RBFOX1: variants seen among roughly 807,000 people sequenced by gnomAD.
The protein encoded by RBFOX1 is RNA binding protein fox-1 homolog 1.
A neutral mutation model predicts 57.7 loss-of-function variants in RBFOX1; 8 were observed. That is an observed-to-expected ratio of 0.14 (90% CI 0.08 to 0.25). The LOEUF (loss-of-function observed/expected upper bound fraction) is 0.25. Among genes scored for constraint, RBFOX1 ranks in the 10% least tolerant of loss-of-function variants. The pLI, the probability that RBFOX1 is intolerant of heterozygous loss-of-function variation, is 1.00. For synonymous variants in RBFOX1, 326 were observed against 222.4 expected (o/e 1.47, Z -4.15); for missense variants, 611 against 548.5 (o/e 1.11, Z -1.14).
intron 3 of RBFOX1, among the ~76,000 whole-genome samples, chr16:6,673,421 C>T (rs561448851): frequency 6.6e-6 from 1 of 152,026 alleles, no homozygotes; most frequent in African/African-American, 2.4e-5. Context: ...AACCGCATCT[C>T]TACTAAAAAT....
chr16:6,886,965 A>C (rs1603636760), intron 3 of RBFOX1, among the ~76,000 whole-genome samples: 1 of 148,880 alleles, frequency 6.7e-6, no homozygotes, highest in Non-Finnish European at 1.5e-5. Context: ...AAAATAACAC[A>C]AAATGAAAAA....
chr16:6,900,373 T>A (rs182864398), intron 3 of RBFOX1, among the ~76,000 whole-genome samples: 1 of 152,220 alleles, frequency 6.6e-6, no homozygotes, highest in Admixed American at 6.5e-5. Context: ...CTGTAACCTC[T>A]ATCCATGCTC....
At chr16:5,784,371 G>T (rs2054427965) in intron 3 of RBFOX1, among the ~76,000 whole-genome samples, 1 of 152,024 alleles carries the variant, frequency 6.6e-6, no homozygotes, top group African/African-American at 2.4e-5. Context: ...AGCTTGCAGT[G>T]AGCCGAGATC....
chr16:6,610,683 A>C (rs549615737), intron 2 of RBFOX1, among the ~76,000 whole-genome samples: 1 of 152,326 alleles, frequency 6.6e-6, no homozygotes, highest in African/African-American at 2.4e-5. Context: ...ATATATGTGA[A>C]GAAACACTGA....
At chr16:6,422,118 T>G (rs1017192648) in intron 2 of RBFOX1, among the ~76,000 whole-genome samples, 1 of 151,902 alleles carries the variant, frequency 6.6e-6, no homozygotes, top group African/African-American at 2.4e-5. Flanking sequence ...AGATGGAGTT[T>G]TCCCATTTTG....
At chr16:5,268,648 CCAGT>C (rs2062923617) in intron 1 of RBFOX1, among the ~76,000 whole-genome samples, 1 of 152,192 alleles carries the variant, frequency 6.6e-6, no homozygotes, top group African/African-American at 2.4e-5. Flanking sequence ...GCACTAGAGA[CCAGT>C]CAATGTGCCC....
chr16:6,861,147 T>C (rs2058919443), intron 3 of RBFOX1, among the ~76,000 whole-genome samples: 1 of 152,176 alleles, frequency 6.6e-6, no homozygotes, highest in Admixed American at 6.5e-5. Flanking sequence ...GCATCTTCCG[T>C]ATTTTTTATA....
In RBFOX1 at chr16:5,377,973, T is replaced by G. The variant is rs951658727; in HGVS notation, c.220-89243T>G. Among the ~76,000 whole-genome samples, 30 of 151,540 alleles carry G rather than the reference T, an allele frequency of 2.0e-4. 3 individuals are homozygous for G. Among genetic ancestry groups the G allele is most frequent in the African/African-American group, 7.3e-4 (30 of 40,862 alleles). ...GGTAATTTTCTTTTCTTTCTTTTAT[T>G]TTTTTAAAGGCTCCTTTTAAAGCAC... On this transcript the variant is annotated intron_variant, in intron 1 of 2. Coordinates refer to the RBFOX1 transcript ENST00000585867.
At chr16:6,039,780 A>G (rs1324822932) in intron 1 of RBFOX1, among the ~76,000 whole-genome samples, 2 of 152,254 alleles carry the variant, frequency 1.3e-5, no homozygotes, top group Non-Finnish European at 2.9e-5. Flanking sequence ...AAACATACCA[A>G]TGAAAACAGC....
chr16:5,848,646 CAA>C (rs2056814672), intron 3 of RBFOX1, among the ~76,000 whole-genome samples: 1 of 152,120 alleles, frequency 6.6e-6, no homozygotes, highest in East Asian at 1.9e-4. Flanking sequence ...CAGTTAAAAA[CAA>C]GAGCATAAAC....
Position 6,582,012 on chromosome 16 carries a change from A to C in RBFOX1, c.-63-72591A>C, listed in dbSNP as rs79065130. On this transcript the variant is annotated intron_variant, in intron 2 of 15. Coordinates refer to ENST00000550418, the MANE Select transcript of RBFOX1 (RefSeq NM_018723.4). Reference sequence around the variant, plus strand: ...AGTTGAAGGGATGCTACCAGCATCTAGTGGGAAAAGCCAGGGGTGCTGTAC... The same window carrying C: ...AGTTGAAGGGATGCTACCAGCATCTCGTGGGAAAAGCCAGGGGTGCTGTAC... Among the ~76,000 whole-genome samples the C allele has an allele frequency of 4.4e-4, 67 of 152,290 alleles. No individual in the cohort carries two copies. The East Asian group carries it at 0.012, about 27-fold the overall frequency.
chr16:7,221,065 T>G (rs772786667), intron 4 of RBFOX1, among the ~76,000 whole-genome samples: 1 of 152,158 alleles, frequency 6.6e-6, no homozygotes, highest in Non-Finnish European at 1.5e-5. Context: ...GTTCGCTGTC[T>G]TCATTAAAAT....
At chr16:7,091,417 G>C (rs1444389781) in intron 4 of RBFOX1, among the ~76,000 whole-genome samples, 1 of 151,490 alleles carries the variant, frequency 6.6e-6, no homozygotes, top group Non-Finnish European at 1.5e-5. Context: ...GTTTAAAATG[G>C]GAGAAGAGCA....
chr16:5,390,287 T>C (rs1435591788), intron 1 of RBFOX1, among the ~76,000 whole-genome samples: 2 of 53,146 alleles, frequency 3.8e-5, no homozygotes, highest in Non-Finnish European at 9.5e-5. Context: ...GTAGTTTTTT[T>C]TTTCTTTTTT....
intron 1 of RBFOX1, among the ~76,000 whole-genome samples, chr16:6,055,555 T>C (rs1164091577): frequency 7.8e-6 from 1 of 128,918 alleles, no homozygotes; most frequent in Non-Finnish European, 1.5e-5. Context: ...ATCGCACCAC[T>C]GCACTCCAGC....
intron 4 of RBFOX1, among the ~76,000 whole-genome samples, chr16:7,208,568 G>T (rs1274328446): frequency 6.6e-6 from 1 of 152,154 alleles, no homozygotes; most frequent in African/African-American, 2.4e-5. Flanking sequence ...GGGTGCAGTG[G>T]CTCATACCTG....
intron 5 of RBFOX1, among the ~76,000 whole-genome samples, chr16:7,569,522 C>T (rs1250277296): frequency 1.3e-5 from 2 of 152,200 alleles, no homozygotes; most frequent in Admixed American, 6.5e-5. Flanking sequence ...GGTGATTATA[C>T]AGGGCCCACA....
intron 1 of RBFOX1, among the ~76,000 whole-genome samples, chr16:6,293,129 C>T (rs1050817354): frequency 4.6e-5 from 7 of 152,140 alleles, no homozygotes; most frequent in African/African-American, 9.7e-5. Context: ...ATGTGCTTTA[C>T]ATATGCAGAA....
intron 1 of RBFOX1, among the ~76,000 whole-genome samples, chr16:5,406,686 C>T (rs1462503613): frequency 6.6e-6 from 1 of 151,676 alleles, no homozygotes; most frequent in Non-Finnish European, 1.5e-5. Flanking sequence ...TCTATTGGTT[C>T]TGTTTTCTGG....
Sources: gnomAD v4.1 joint callset for allele counts (sites outside exome capture counted in the v4.1 genomes callset) on GRCh38, gnomAD v4.1.1 for gene constraint, MANE v1.5 for transcripts, NCBI Gene and HGNC (gene_info 2026-07-23, HGNC 2026-07-21) for gene names.